Variants in BCKDHB observed in about 807,000 individuals in gnomAD.
BCKDHB encodes 2-oxoisovalerate dehydrogenase subunit beta, mitochondrial.
In BCKDHB, 41 loss-of-function variants were observed where a neutral mutation model predicts 48.5. The ratio of observed to expected loss-of-function variants is 0.85; its 90% CI spans 0.66 to 1.10. The LOEUF (loss-of-function observed/expected upper bound fraction) is 1.10. Among genes scored for constraint, BCKDHB ranks in the 50% least tolerant of loss-of-function variants. The probability of loss-of-function intolerance (pLI) is 0.00; values close to 1 mark genes in which losing one functional copy is unlikely to be tolerated. For missense variants in BCKDHB, 496 were observed against 494.2 expected (o/e 1.00, Z -0.03); for synonymous variants, 201 against 174.8 (o/e 1.15, Z -1.18).
chr6:80,383,002 T>C, the BCKDHB span, among the ~76,000 whole-genome samples: 1 of 152,186 alleles, frequency 6.6e-6, no homozygotes, highest in African/African-American at 2.4e-5. Flanking sequence ...AACCAGCCTT[T>C]ATTTCTCTCT....
chr6:80,432,593 G>A, the BCKDHB span, among the ~76,000 whole-genome samples: 1 of 151,980 alleles, frequency 6.6e-6, no homozygotes, highest in Non-Finnish European at 1.5e-5. Flanking sequence ...CTTTTTTCAA[G>A]GTTCTTCGTT....
intron 1 of BCKDHB, among the ~76,000 whole-genome samples, chr6:80,116,628 C>T (rs1688331496): frequency 6.6e-6 from 1 of 152,200 alleles, no homozygotes; most frequent in Non-Finnish European, 1.5e-5. Flanking sequence ...AATTAAACAA[C>T]TCAATGCCAG....
intron 9 of BCKDHB, among the ~76,000 whole-genome samples, chr6:80,298,445 A>G (rs2127989650): frequency 6.6e-6 from 1 of 152,296 alleles, no homozygotes; most frequent in Non-Finnish European, 1.5e-5. Flanking sequence ...TAGCCATACC[A>G]AGTGGCCAAT....
At chr6:80,353,537 G>A in the BCKDHB span, among the ~76,000 whole-genome samples, 1 of 114,634 alleles carries the variant, frequency 8.7e-6, no homozygotes, top group African/African-American at 3.3e-5. Flanking sequence ...TCACTAAAAT[G>A]TGTTTTTTTT....
the BCKDHB span, among the ~76,000 whole-genome samples, chr6:80,362,490 G>A: frequency 6.6e-6 from 1 of 152,240 alleles, no homozygotes; most frequent in Admixed American, 6.5e-5. Flanking sequence ...CACCCAGAGT[G>A]TCTTTTCTTG....
chr6:80,233,517 G>A (rs1416612446), intron 8 of BCKDHB, among the ~76,000 whole-genome samples: 1 of 152,062 alleles, frequency 6.6e-6, no homozygotes, highest in African/African-American at 2.4e-5. Flanking sequence ...TCTCTGGATC[G>A]ATAGTTTCCT....
the BCKDHB span, among the ~76,000 whole-genome samples, chr6:80,392,072 A>C: frequency 6.6e-6 from 1 of 152,110 alleles, no homozygotes; most frequent in African/African-American, 2.4e-5. Context: ...AGCTCACTGC[A>C]ACCTCCACCT....
chr6:80,440,369 A>T, the BCKDHB span, among the ~76,000 whole-genome samples: 4 of 152,202 alleles, frequency 2.6e-5, no homozygotes, highest in Non-Finnish European at 5.9e-5. Context: ...GCACAGTCAT[A>T]AATAATAAGT....
At chr6:80,242,568 TACACAC>T (rs141146473) in intron 8 of BCKDHB, among the ~76,000 whole-genome samples, 1 of 150,616 alleles carries the variant, frequency 6.6e-6, no homozygotes, top group South Asian at 2.1e-4. Flanking sequence ...CATACACATG[TACACAC>T]ACACACACAC....
the BCKDHB span, among the ~76,000 whole-genome samples, chr6:80,439,608 C>A: frequency 6.6e-6 from 1 of 152,186 alleles, no homozygotes; most frequent in Non-Finnish European, 1.5e-5. Context: ...AGTTTCATCT[C>A]ATTACTTTAA....
chr6:80,415,634 C>T, the BCKDHB span, among the ~76,000 whole-genome samples: 15 of 152,082 alleles, frequency 9.9e-5, no homozygotes, highest in East Asian at 2.9e-3. Flanking sequence ...CTTGATAAGG[C>T]TTGATAAGCT....
At position 80,260,212 on chromosome 6, in the gene BCKDHB, G is replaced by GTGT. The variant is rs1562183138; in HGVS notation, c.952-12923_952-12922insTGT. ...TTAGTAAAAACTGGTGGTAATGGTG[G>GTGT]GTGTGTGTGTGTGTGTGGGGTAATA... On this transcript the variant is annotated intron_variant, in intron 8 of 9. Transcript: ENST00000320393. Among the ~76,000 whole-genome samples the GTGT allele has an allele frequency of 2.1e-4, 32 of 151,238 alleles. No homozygotes were observed. In the East Asian group the frequency reaches 2.1e-3, roughly 10 times the overall value.
intron 9 of BCKDHB, among the ~76,000 whole-genome samples, chr6:80,329,497 T>C (rs1769213705): frequency 1.3e-5 from 2 of 152,166 alleles, no homozygotes; most frequent in African/African-American, 4.8e-5. Flanking sequence ...ATGTAAAGTA[T>C]GAAGACAATC....
At chr6:80,130,017 T>G (rs886712346) in intron 3 of BCKDHB, among the ~76,000 whole-genome samples, 10 of 152,338 alleles carry the variant, frequency 6.6e-5, no homozygotes, top group Middle Eastern at 3.4e-3. Context: ...TTATCCCAGC[T>G]GATGTCTTTA....
the BCKDHB span, among the ~76,000 whole-genome samples, chr6:80,449,877 C>CTTT: frequency 6.6e-6 from 1 of 152,002 alleles, no homozygotes; most frequent in East Asian, 1.9e-4. Context: ...AAGCATTTAG[C>CTTT]TTTTTTTTCT....
intron 8 of BCKDHB, among the ~76,000 whole-genome samples, chr6:80,263,970 A>T (rs1032713765): frequency 6.6e-6 from 1 of 152,164 alleles, no homozygotes; most frequent in African/African-American, 2.4e-5. Flanking sequence ...AAAGCAGAGG[A>T]TATTAGTAAT....
chr6:80,431,866 G>T, the BCKDHB span, among the ~76,000 whole-genome samples: 1 of 152,194 alleles, frequency 6.6e-6, no homozygotes, highest in East Asian at 1.9e-4. Context: ...CTTCCTTCAG[G>T]AGCTCTTGTA....
the BCKDHB span, among the ~76,000 whole-genome samples, chr6:80,365,701 G>T: frequency 6.6e-6 from 1 of 152,106 alleles, no homozygotes; most frequent in Non-Finnish European, 1.5e-5. Context: ...TATCACAGTG[G>T]TCCTGAGGTG....
intron 9 of BCKDHB, among the ~76,000 whole-genome samples, chr6:80,318,576 T>C (rs1369896679): frequency 6.6e-6 from 1 of 151,800 alleles, no homozygotes; most frequent in African/African-American, 2.4e-5. Flanking sequence ...TCCCAGCTAC[T>C]CAGGAGGCTG....
Sources: gnomAD v4.1 joint callset for allele counts (sites outside exome capture counted in the v4.1 genomes callset) on GRCh38, gnomAD v4.1.1 for gene constraint, MANE v1.5 for transcripts, NCBI Gene and HGNC (gene_info 2026-07-23, HGNC 2026-07-21) for gene names.